Variants in ATP2C1 observed in about 807,000 individuals in gnomAD.
The protein encoded by ATP2C1 is calcium-transporting ATPase type 2C member 1.
Under a neutral mutation model 120.5 loss-of-function variants are expected in ATP2C1, and 31 were observed. The observed-to-expected ratio is 0.26, with a 90% CI of 0.19 to 0.35. The LOEUF is 0.35. Ranked by LOEUF, ATP2C1 falls within the 10% of genes least tolerant of loss-of-function variation. The probability of loss-of-function intolerance (pLI) is 1.00; values close to 1 mark genes in which losing one functional copy is unlikely to be tolerated. For missense variants in ATP2C1, 731 were observed against 1,107.5 expected (o/e 0.66, Z 4.83); for synonymous variants, 351 against 358.7 (o/e 0.98, Z 0.24).
At chr3:130,956,075 G>A in intron 10 of ATP2C1, 29 bp from the exon 11 acceptor site, 1 of 1,486,316 alleles carries the variant, frequency 6.7e-7, no homozygotes, top group African/African-American at 1.4e-5. Context: ...ATAGCTAATT[G>A]TGGTGACACT....
upstream of ATP2C1, among the ~76,000 whole-genome samples, chr3:130,889,638 C>CTTTTTT (rs1170424148): frequency 4.1e-4 from 32 of 77,650 alleles, no homozygotes; most frequent in African/African-American, 9.1e-4. Context: ...ATTCTTTAAA[C>CTTTTTT]TTTTTTTTTT....
intron 1 of ATP2C1, among the ~76,000 whole-genome samples, chr3:130,883,900 T>C: frequency 6.6e-6 from 1 of 151,704 alleles, no homozygotes; most frequent in African/African-American, 2.4e-5. Context: ...ATTTTTCAAT[T>C]TCTTTCTTAA....
chr3:130,985,919 C>T (rs376815443), intron 20 of ATP2C1, among the ~76,000 whole-genome samples: 18 of 151,988 alleles, frequency 1.2e-4, no homozygotes, highest in African/African-American at 3.9e-4. Context: ...TTCTATGATT[C>T]GATGTACACT....
At chr3:130,859,247 T>C (rs1387094713) in intron 1 of ATP2C1, among the ~76,000 whole-genome samples, 1 of 152,182 alleles carries the variant, frequency 6.6e-6, no homozygotes, top group Non-Finnish European at 1.5e-5. Flanking sequence ...TGCTCTAGAG[T>C]CTAAGACCAA....
At chr3:130,943,818 CT>C (rs2060025185) in intron 8 of ATP2C1, among the ~76,000 whole-genome samples, 1 of 152,142 alleles carries the variant, frequency 6.6e-6, no homozygotes, top group Non-Finnish European at 1.5e-5. Context: ...AGTTGGGGAT[CT>C]TTTATCCATC....
chr3:130,904,626 TG>T (rs962334935), intron 2 of ATP2C1, among the ~76,000 whole-genome samples: 7 of 152,012 alleles, frequency 4.6e-5, no homozygotes, highest in Non-Finnish European at 8.8e-5. Flanking sequence ...CTTCCTCTAG[TG>T]GGGAGGTACT....
chr3:130,902,297 GTTTTTTTT>G (rs398052267), intron 2 of ATP2C1, among the ~76,000 whole-genome samples: 5 of 13,254 alleles, frequency 3.8e-4, no homozygotes, highest in South Asian at 3.4e-3. Flanking sequence ...TTTTTTTTTT[GTTTTTTTT>G]TTTTTTTTTT....
intron 22 of ATP2C1, 51 bp downstream of exon 22, chr3:130,994,149 C>T: frequency 6.2e-7 from 1 of 1,600,878 alleles, no homozygotes; most frequent in African/African-American, 1.3e-5. Context: ...CCTATCCTTT[C>T]CTGTCCCCCA....
chr3:130,853,978 C>T (rs1416497561), intron 1 of ATP2C1, among the ~76,000 whole-genome samples: 4 of 152,184 alleles, frequency 2.6e-5, no homozygotes, highest in Admixed American at 2.6e-4. Flanking sequence ...TTACACTCAC[C>T]TTGTTCACAT....
intron 1 of ATP2C1, among the ~76,000 whole-genome samples, chr3:130,882,318 T>C (rs2107822000): frequency 6.6e-6 from 1 of 152,118 alleles, no homozygotes; most frequent in South Asian, 2.1e-4. Flanking sequence ...TTGCCTCTTG[T>C]AATCCCAAGT....
chr3:130,910,242 T>C (rs1000449934), intron 2 of ATP2C1, among the ~76,000 whole-genome samples: 4 of 151,646 alleles, frequency 2.6e-5, no homozygotes, highest in Admixed American at 6.6e-5. Context: ...GATTTGGCTC[T>C]CTGTTTGTCT....
chr3:130,996,617 T>C (rs1480186614), intron 23 of ATP2C1, 63 bp from the exon 24 acceptor site: 2 of 1,065,680 alleles, frequency 1.9e-6, no homozygotes, highest in Non-Finnish European at 2.9e-6. Flanking sequence ...GCTAAAAAAG[T>C]GGTATCATAG....
At chr3:130,891,197 T>G (rs940560808), upstream of ATP2C1, among the ~76,000 whole-genome samples, 1 of 152,234 alleles carries the variant, frequency 6.6e-6, no homozygotes, top group African/African-American at 2.4e-5. Context: ...AAAACAGCCT[T>G]TAAAAGAAGA....
Position 130,997,717 on chromosome 3 carries a change from C to G in ATP2C1, c.2355C>G (p.Ile785Met). 4.3e-6 allele frequency: 7 copies of G among 1,613,628 alleles called. No individual in the cohort carries two copies. The highest frequency in any genetic ancestry group is 5.9e-6 in the Non-Finnish European group (7 of 1,179,718). The change falls in exon 25 of 28, where the codon ATC becomes ATG. Residue 785 changes from isoleucine (I) to methionine (M), a missense_variant. Ile to Met is a conservative substitution (Grantham distance 10). Coordinates refer to ENST00000510168, the MANE Select transcript of ATP2C1 (RefSeq NM_001378687.1). ...TTAAAATACTTGTTTCATCAATAAT[C>G]ATTGTTTGTGGGACTTTGTTTGTCT... ...LILKILVSSIIIVCGTLFVFW... is the reference protein window; with the variant it reads ...LILKILVSSIMIVCGTLFVFW...
At chr3:130,853,550 G>A (rs2067743886) in intron 1 of ATP2C1, among the ~76,000 whole-genome samples, 1 of 152,052 alleles carries the variant, frequency 6.6e-6, no homozygotes, top group Non-Finnish European at 1.5e-5. Flanking sequence ...CCCCCCTCTA[G>A]CCTAGAATTC....
intron 8 of ATP2C1, among the ~76,000 whole-genome samples, chr3:130,952,495 C>G (rs1559966474): frequency 1.3e-5 from 2 of 151,914 alleles, no homozygotes; most frequent in Non-Finnish European, 2.9e-5. Flanking sequence ...CACCCCCCAC[C>G]AAAAGAAAAG....
rs554122562 is a variant in ATP2C1, at chr3:130,985,754, A to C, written c.1839+5075A>C. Among the ~76,000 whole-genome samples the C allele has an allele frequency of 2.2e-3, 330 of 152,172 alleles. 2 individuals are homozygous for C. Among genetic ancestry groups the C allele is most frequent in the African/African-American group, 7.1e-3 (294 of 41,536 alleles). On this transcript the variant is annotated intron_variant, in intron 20 of 27. Coordinates refer to ENST00000510168, the MANE Select transcript of ATP2C1 (RefSeq NM_001378687.1). ...ACAGAGATAAATGATGGACAGTTGC[A>C]TGGAGATAGTCCATAAAAGCTGGCT... is the stretch of plus-strand genomic sequence containing the variant.
chr3:130,981,600 C>G (rs1019510752), intron 20 of ATP2C1, among the ~76,000 whole-genome samples: 4 of 152,184 alleles, frequency 2.6e-5, no homozygotes, highest in South Asian at 4.1e-4. Flanking sequence ...GGGTCATACA[C>G]TTAATGTATA....
chr3:130,957,836 T>C (rs16835454), intron 11 of ATP2C1, among the ~76,000 whole-genome samples: 1,639 of 152,244 alleles, frequency 0.011, 22 homozygotes, highest in East Asian at 0.076. Flanking sequence ...ACAGGACTAA[T>C]GCAATTTTAA....
Sources: gnomAD v4.1 joint callset for allele counts (sites outside exome capture counted in the v4.1 genomes callset) on GRCh38, gnomAD v4.1.1 for gene constraint, MANE v1.5 for transcripts, NCBI Gene and HGNC (gene_info 2026-07-23, HGNC 2026-07-21) for gene names.